Variants in STK39 observed in about 807,000 individuals in gnomAD.
STK39 encodes the protein serine/threonine kinase 39.
STK39 carries 20 observed loss-of-function variants against 77.8 expected under a neutral mutation model. That is an observed-to-expected ratio of 0.26 (90% CI 0.18 to 0.37). The LOEUF is 0.37. Ranked by LOEUF, STK39 falls within the 10% of genes least tolerant of loss-of-function variation. The pLI, the probability that STK39 is intolerant of heterozygous loss-of-function variation, is 1.00. For synonymous variants in STK39, 246 were observed against 234.1 expected, an observed-to-expected ratio of 1.05 and a Z score of -0.47; for missense variants, 479 against 656.5, an observed-to-expected ratio of 0.73 and a Z score of 2.95.
In STK39 at chr2:167,958,721, C is replaced by T. The variant is rs368767449; in HGVS notation, c.1564-3151G>A. On this transcript the variant is annotated intron_variant, in intron 17 of 17. Coordinates refer to ENST00000355999, the MANE Select transcript of STK39 (RefSeq NM_013233.3). ...GTTGTGGATATCATTTATTACTGCA[C>T]TAGAACTTTCCAAGTGGCAATTTCT... Among the ~76,000 whole-genome samples, 8 of 152,204 alleles carry T rather than the reference C, an allele frequency of 5.3e-5. No homozygotes were observed. In the East Asian group the frequency reaches 5.8e-4, roughly 11 times the overall value.
chr2:168,099,235 A>G lies in STK39; in HGVS notation c.1090-24004T>C, dbSNP rs142448562. Among the ~76,000 whole-genome samples the G allele has an allele frequency of 8.5e-5, 13 of 152,348 alleles. No homozygotes were observed. The East Asian group carries it at 2.3e-3, about 27-fold the overall frequency. The stretch of plus-strand genomic sequence containing the variant: ...AAATGGCTGTTGCTGAGCTAAGCCA[A>G]TAAGTGATGGGGTGATTCATTATGC... On this transcript the variant is annotated intron_variant, in intron 10 of 17. Coordinates refer to ENST00000355999, the MANE Select transcript of STK39 (RefSeq NM_013233.3).
chr2:168,080,140 A>G (rs1316268791), intron 10 of STK39, among the ~76,000 whole-genome samples: 1 of 152,214 alleles, frequency 6.6e-6, no homozygotes, highest in Non-Finnish European at 1.5e-5. Flanking sequence ...TGTTTCAGCA[A>G]AGAGACTGGA....
intron 1 of STK39, among the ~76,000 whole-genome samples, chr2:168,198,090 A>G (rs777933640): frequency 3.9e-5 from 6 of 152,090 alleles, no homozygotes; most frequent in Non-Finnish European, 8.8e-5. Flanking sequence ...AATGACAAAA[A>G]GTGTATTAGA....
chr2:168,211,395 G>A (rs1689887461), intron 1 of STK39, among the ~76,000 whole-genome samples: 1 of 152,154 alleles, frequency 6.6e-6, no homozygotes, highest in Admixed American at 6.5e-5. Context: ...ACATTCATCA[G>A]GTACTCACCA....
At chr2:167,977,062 C>G (rs1683296383) in intron 16 of STK39, among the ~76,000 whole-genome samples, 1 of 152,094 alleles carries the variant, frequency 6.6e-6, no homozygotes, top group African/African-American at 2.4e-5. Context: ...ATAAAGAAAA[C>G]ATAGAAATAC....
chr2:168,134,960 A>G (rs1161710605), intron 8 of STK39, among the ~76,000 whole-genome samples: 6 of 152,200 alleles, frequency 3.9e-5, no homozygotes, highest in Non-Finnish European at 5.9e-5. Context: ...TCACTCTTCA[A>G]CCTACTCAAA....
At chr2:167,987,365 T>C (rs1052944304) in intron 16 of STK39, among the ~76,000 whole-genome samples, 3 of 152,132 alleles carry the variant, frequency 2.0e-5, no homozygotes, top group African/African-American at 7.2e-5. Context: ...TTTTTAAAAC[T>C]CTGTGATAGC....
At chr2:168,215,156 A>G (rs1225083989) in intron 1 of STK39, among the ~76,000 whole-genome samples, 1 of 152,210 alleles carries the variant, frequency 6.6e-6, no homozygotes, top group East Asian at 1.9e-4. Flanking sequence ...CTTTTCTGAA[A>G]TAAGTTTAAA....
At chr2:168,243,311 G>C (rs1690818572) in intron 1 of STK39, among the ~76,000 whole-genome samples, 1 of 152,210 alleles carries the variant, frequency 6.6e-6, no homozygotes, top group South Asian at 2.1e-4. Flanking sequence ...GCTCCTTAAA[G>C]ACCTGGCCAT....
intron 1 of STK39, among the ~76,000 whole-genome samples, chr2:168,207,198 G>T (rs891500080): frequency 6.6e-6 from 1 of 152,202 alleles, no homozygotes. Flanking sequence ...GATAGTGACT[G>T]TCTTTTATAA....
chr2:167,956,330 A>T (rs560683694), intron 17 of STK39, among the ~76,000 whole-genome samples: 1 of 152,292 alleles, frequency 6.6e-6, no homozygotes, highest in Middle Eastern at 3.4e-3. Context: ...GGGCCGAGGC[A>T]GGTGGATCAT....
At chr2:168,141,213 A>G (rs986336236) in intron 5 of STK39, among the ~76,000 whole-genome samples, 1 of 152,224 alleles carries the variant, frequency 6.6e-6, no homozygotes, top group African/African-American at 2.4e-5. Context: ...ATTTTATAAG[A>G]AGATGAATTA....
intron 1 of STK39, among the ~76,000 whole-genome samples, chr2:168,227,021 T>C (rs1386359572): frequency 1.3e-5 from 2 of 152,208 alleles, no homozygotes; most frequent in African/African-American, 4.8e-5. Flanking sequence ...GCTGTGAATA[T>C]TTATAATGTG....
intron 1 of STK39, among the ~76,000 whole-genome samples, chr2:168,203,131 C>T (rs752799683): frequency 2.0e-5 from 3 of 152,070 alleles, no homozygotes; most frequent in Non-Finnish European, 4.4e-5. Context: ...TCTCCCCAGG[C>T]GCAGTAACCA....
At chr2:168,101,585 A>T (rs950571392) in intron 10 of STK39, among the ~76,000 whole-genome samples, 1 of 151,934 alleles carries the variant, frequency 6.6e-6, no homozygotes, top group Admixed American at 6.6e-5. Flanking sequence ...TAAACATACA[A>T]AAATTAGCCA....
At chr2:168,074,933 C>T (rs377049943) in intron 12 of STK39, 49 bp downstream of exon 12, 1 of 1,600,106 alleles carries the variant, frequency 6.2e-7, no homozygotes, top group East Asian at 2.2e-5. Context: ...TCTGATACCA[C>T]AAGAAAGGAA....
At chr2:167,964,843 C>T (rs996281845) in intron 16 of STK39, 117 bp from the exon 17 acceptor site, 1 of 823,910 alleles carries the variant, frequency 1.2e-6, no homozygotes, top group South Asian at 1.6e-5. Context: ...AATCATTTTT[C>T]ATAAACATTG....
chr2:168,091,100 G>A (rs759058547), intron 10 of STK39, among the ~76,000 whole-genome samples: 1 of 151,642 alleles, frequency 6.6e-6, no homozygotes, highest in African/African-American at 2.4e-5. Context: ...CTATCATGCT[G>A]TCTGCAAAGG....
intron 4 of STK39, among the ~76,000 whole-genome samples, chr2:168,162,871 AC>A (rs959810913): frequency 1.1e-4 from 16 of 151,920 alleles, no homozygotes; most frequent in African/African-American, 3.9e-4. Context: ...TACTAAAAAT[AC>A]AAAAATTAGC....
Sources: allele counts gnomAD v4.1 joint callset (sites outside exome capture counted in the v4.1 genomes callset), GRCh38; gene constraint gnomAD v4.1.1; transcripts MANE v1.5; gene names NCBI Gene and HGNC (gene_info 2026-07-23, HGNC 2026-07-21).